Variants in MCCC1 observed in about 807,000 individuals in gnomAD.
The protein encoded by MCCC1 is methylcrotonoyl-CoA carboxylase subunit alpha, mitochondrial.
A neutral mutation model predicts 83.8 loss-of-function variants in MCCC1; 64 were observed. The observed-to-expected ratio is 0.76, with a 90% confidence interval of 0.62 to 0.94. The LOEUF (loss-of-function observed/expected upper bound fraction) is 0.94. Ranked by LOEUF, MCCC1 falls within the 40% of genes least tolerant of loss-of-function variation. MCCC1 has a pLI of 0.00. For missense variants in MCCC1, 807 were observed against 904.7 expected, an observed-to-expected ratio of 0.89 and a Z score of 1.39; for synonymous variants, 322 against 315.4, an observed-to-expected ratio of 1.02 and a Z score of -0.22.
chr3:183,021,698 A>G (rs1193702936), intron 16 of MCCC1, among the ~76,000 whole-genome samples: 1 of 152,114 alleles, frequency 6.6e-6, no homozygotes, highest in African/African-American at 2.4e-5. Context: ...CTATCATCAT[A>G]TTACTGTAGC....
chr3:183,087,987 A>G (rs1718025982), intron 3 of MCCC1, among the ~76,000 whole-genome samples: 1 of 151,960 alleles, frequency 6.6e-6, no homozygotes, highest in South Asian at 2.1e-4. Context: ...AAAACAACCT[A>G]CATAAAGGTG....
chr3:183,057,237 A>G, intron 8 of MCCC1, 74 bp downstream of exon 8: 1 of 1,225,780 alleles, frequency 8.2e-7, no homozygotes, highest in Non-Finnish European at 1.2e-6. Context: ...CCAGATTCAC[A>G]GATTTCTGAT....
intron 14 of MCCC1, among the ~76,000 whole-genome samples, chr3:183,033,461 G>T (rs932808327): frequency 6.6e-6 from 1 of 152,090 alleles, no homozygotes; most frequent in African/African-American, 2.4e-5. Context: ...CCTCATTTAC[G>T]TTGTGAAGAT....
At chr3:183,094,498 C>T in intron 2 of MCCC1, 61 bp downstream of exon 2, 3 of 1,513,432 alleles carry the variant, frequency 2.0e-6, no homozygotes, top group South Asian at 1.1e-5. Context: ...TAAACATTTC[C>T]CTTTCTTAAA....
At chr3:183,076,039 G>T (rs1717048031) in intron 4 of MCCC1, among the ~76,000 whole-genome samples, 1 of 152,036 alleles carries the variant, frequency 6.6e-6, no homozygotes, top group African/African-American at 2.4e-5. Flanking sequence ...CCCTGGTTTG[G>T]GTTTTCTTTT....
At chr3:183,041,833 T>G (rs1438976796) in intron 10 of MCCC1, 83 bp from the exon 11 acceptor site, 8 of 1,487,140 alleles carry the variant, frequency 5.4e-6, no homozygotes, top group Non-Finnish European at 7.5e-6. Flanking sequence ...GCTTTTTTTC[T>G]AGGTAAAATG....
At position 183,041,691 on chromosome 3, in the gene MCCC1, G is replaced by A. The variant is rs763595289; in HGVS notation, c.1143C>T (p.Ala381=). ...CTTCTGCATATATTCTAGCTTCGAAGGCATGGCCCTGCAGAGTTATTTCTT... is the reference window on the plus strand; with the variant it reads ...CTTCTGCATATATTCTAGCTTCGAAAGCATGGCCCTGCAGAGTTATTTCTT... ...SQEEITLQGH[A]FEARIYAEDP... The change falls in exon 11 of 19, where the codon GCC becomes GCT. Residue 381 remains alanine (A), a synonymous_variant. Coordinates refer to ENST00000265594, the MANE Select transcript of MCCC1 (RefSeq NM_020166.5). The A allele has an allele frequency of 1.2e-6, 2 of 1,614,206 alleles. No individual in the cohort carries two copies. Among genetic ancestry groups the A allele is most frequent in the Non-Finnish European group, 1.7e-6 (2 of 1,180,046 alleles).
At chr3:183,108,205 G>T (rs1255599766) in intron 1 of MCCC1, among the ~76,000 whole-genome samples, 1 of 152,194 alleles carries the variant, frequency 6.6e-6, no homozygotes, top group African/African-American at 2.4e-5. Context: ...ATGGCTGTGG[G>T]TTGTTGGCCT....
At chr3:183,041,846 C>T in intron 10 of MCCC1, 96 bp from the exon 11 acceptor site, 6 of 1,414,790 alleles carry the variant, frequency 4.2e-6, no homozygotes, top group Non-Finnish European at 6.0e-6. Flanking sequence ...GTAAAATGTA[C>T]ATTTAGGTTT....
In MCCC1 at chr3:183,108,446, C is replaced by T. The variant is rs535816078; in HGVS notation, c.-102+7028G>A. Among the ~76,000 whole-genome samples, 4 of 152,218 alleles carry T rather than the reference C, an allele frequency of 2.6e-5. No individual in the cohort carries two copies. In the South Asian group the frequency reaches 6.2e-4, roughly 24 times the overall value. On this transcript the variant is annotated intron_variant, in intron 1 of 17. Coordinates refer to the MCCC1 transcript ENST00000492597. ...TATCACTTGATTAAATTGGTGTCTG[C>T]CAGGTTTCCTCACTGTAAATATTTT...
intron 4 of MCCC1, among the ~76,000 whole-genome samples, chr3:183,085,755 A>G (rs1234397953): frequency 6.6e-6 from 1 of 151,496 alleles, no homozygotes; most frequent in Non-Finnish European, 1.5e-5. Flanking sequence ...CCAGCCTTCT[A>G]CGTGGTGCCT....
chr3:183,059,231 C>A (rs1453024745), intron 7 of MCCC1, among the ~76,000 whole-genome samples: 1 of 152,190 alleles, frequency 6.6e-6, no homozygotes, highest in African/African-American at 2.4e-5. Flanking sequence ...ATCACTTGAA[C>A]CTGGGAGGCG....
At chr3:183,061,094 G>C (rs1715799398) in intron 7 of MCCC1, among the ~76,000 whole-genome samples, 1 of 152,092 alleles carries the variant, frequency 6.6e-6, no homozygotes, top group South Asian at 2.1e-4. Flanking sequence ...GGGGATAGCG[G>C]GTTAGGTTTC....
At chr3:183,090,972 C>A (rs539509817) in intron 3 of MCCC1, 48 of 456,590 alleles carry the variant, frequency 1.1e-4, no homozygotes, top group South Asian at 7.4e-4. Flanking sequence ...ATAACTAAGT[C>A]AGCAGATTCT....
chr3:183,098,102 G>A (rs746524245), intron 1 of MCCC1, among the ~76,000 whole-genome samples: 16 of 152,116 alleles, frequency 1.1e-4, no homozygotes, highest in Admixed American at 1.3e-4. Context: ...TAAATTTTTT[G>A]TATTTTTTAG....
At chr3:183,046,226 C>A (rs1181659805) in intron 9 of MCCC1, among the ~76,000 whole-genome samples, 1 of 152,130 alleles carries the variant, frequency 6.6e-6, no homozygotes, top group Non-Finnish European at 1.5e-5. Context: ...ACCCTGGGAT[C>A]CAGGAAACCA....
At chr3:183,104,877 G>A (rs1182740547) in intron 1 of MCCC1, among the ~76,000 whole-genome samples, 2 of 152,236 alleles carry the variant, frequency 1.3e-5, no homozygotes, top group Admixed American at 1.3e-4. Context: ...ATTCTGCATA[G>A]TACTTTTACA....
At chr3:183,097,726 C>G (rs1718842720) in intron 1 of MCCC1, among the ~76,000 whole-genome samples, 1 of 152,096 alleles carries the variant, frequency 6.6e-6, no homozygotes, top group Non-Finnish European at 1.5e-5. Context: ...TTCTATAAGC[C>G]ATTAACAACT....
At chr3:183,095,802 T>C (rs1442624826) in intron 1 of MCCC1, among the ~76,000 whole-genome samples, 1 of 152,112 alleles carries the variant, frequency 6.6e-6, no homozygotes, top group Non-Finnish European at 1.5e-5. Flanking sequence ...TAAGAGGTGA[T>C]CTTGAAGGTA....
Sources: allele counts gnomAD v4.1 joint callset (sites outside exome capture counted in the v4.1 genomes callset), GRCh38; gene constraint gnomAD v4.1.1; transcripts MANE v1.5; gene names NCBI Gene and HGNC (gene_info 2026-07-23, HGNC 2026-07-21).